The following LBH variants were observed in gnomAD, a reference collection of about 807,000 sequenced individuals.
LBH encodes the protein protein LBH.
LBH carries 7 observed loss-of-function variants against 12.5 expected under a neutral mutation model. The observed-to-expected ratio is 0.56, with a 90% CI of 0.32 to 1.05. The LOEUF is 1.05. LBH is among the 50% of genes least tolerant of loss of function. LBH has a pLI of 0.04. For missense variants in LBH, 119 were observed against 138.9 expected (o/e 0.86, Z 0.72); for synonymous variants, 51 against 50.1 (o/e 1.02, Z -0.08).
At chr2:30,242,181 A>G (rs955451790) in intron 2 of LBH, among the ~76,000 whole-genome samples, 1 of 152,142 alleles carries the variant, frequency 6.6e-6, no homozygotes, top group Non-Finnish European at 1.5e-5. Context: ...GGATTTCTTG[A>G]AAAAAGGTAA....
chr2:30,244,365 A>AT (rs1415206021), intron 2 of LBH, among the ~76,000 whole-genome samples: 1 of 152,150 alleles, frequency 6.6e-6, no homozygotes, highest in East Asian at 1.9e-4. Flanking sequence ...TTTTAACAAA[A>AT]TGTTAAAATG....
intron 2 of LBH, among the ~76,000 whole-genome samples, chr2:30,237,803 C>T (rs1677714530): frequency 6.6e-6 from 1 of 152,200 alleles, no homozygotes; most frequent in South Asian, 2.1e-4. Flanking sequence ...GGGAAATCCA[C>T]GTGTGCACAT....
intron 1 of LBH, chr2:30,232,320 C>CA: frequency 7.5e-7 from 1 of 1,334,600 alleles, no homozygotes; most frequent in South Asian, 1.5e-5. Flanking sequence ...GCCTCTCAAC[C>CA]CCTGCCCTCT....
chr2:30,232,117 G>A (rs1260931753), intron 1 of LBH: 4 of 1,544,246 alleles, frequency 2.6e-6, no homozygotes, highest in Non-Finnish European at 3.5e-6. Context: ...TGGCGCAGGG[G>A]GGCTCCTGCT....
At chr2:30,238,843 A>C (rs1677734353) in intron 2 of LBH, among the ~76,000 whole-genome samples, 1 of 149,290 alleles carries the variant, frequency 6.7e-6, no homozygotes. Flanking sequence ...TTTGTCTCTC[A>C]GGTCCCAAAT....
At chr2:30,256,683 A>AT (rs909702745) in intron 2 of LBH, 2 of 151,766 alleles carry the variant, frequency 1.3e-5, no homozygotes, top group Non-Finnish European at 2.9e-5. Flanking sequence ...TGCCCGCCTA[A>AT]TTTTTTTTGT....
At chr2:30,232,724 G>A (rs1490510070) in intron 1 of LBH, 1 of 152,514 alleles carries the variant, frequency 6.6e-6, no homozygotes, top group Non-Finnish European at 1.5e-5. Flanking sequence ...TCAACTTTTC[G>A]GGCCGGCGCC....
intron 1 of LBH, 161 bp from the exon 2 acceptor site, chr2:30,234,244 C>A (rs952795456): frequency 8.2e-6 from 5 of 607,362 alleles, no homozygotes; most frequent in African/African-American, 7.4e-5. Context: ...GCTTGCAAGG[C>A]GCTTCCTCAG....
At chr2:30,239,029 A>G (rs745929990) in intron 2 of LBH, among the ~76,000 whole-genome samples, 2 of 151,874 alleles carry the variant, frequency 1.3e-5, no homozygotes, top group Non-Finnish European at 2.9e-5. Flanking sequence ...AGCTGGGACT[A>G]CAGGAGTGTG....
chr2:30,232,236 G>T, intron 1 of LBH: 1 of 907,108 alleles, frequency 1.1e-6, no homozygotes, highest in Non-Finnish European at 1.7e-6. Context: ...AGAGCTCCGG[G>T]GGGGTGGGGG....
chr2:30,250,997 T>G (rs1420652142), intron 2 of LBH, among the ~76,000 whole-genome samples: 1 of 151,390 alleles, frequency 6.6e-6, no homozygotes, highest in African/African-American at 2.4e-5. Flanking sequence ...TTAATAAAAA[T>G]TAAATAAAAA....
chr2:30,241,753 C>T (rs1006598925), intron 2 of LBH, among the ~76,000 whole-genome samples: 7 of 152,230 alleles, frequency 4.6e-5, no homozygotes, highest in East Asian at 1.9e-4. Flanking sequence ...CAGGAGCCAC[C>T]GCGCCCAGCC....
At chr2:30,245,999 C>T (rs139825744) in intron 2 of LBH, among the ~76,000 whole-genome samples, 3,775 of 150,594 alleles carry the variant, frequency 0.025, 56 homozygotes, top group Middle Eastern at 0.075. Flanking sequence ...AATCTCACTC[C>T]GTCACCCAGG....
chr2:30,252,168 G>A (rs1367643013), intron 2 of LBH, among the ~76,000 whole-genome samples: 2 of 152,196 alleles, frequency 1.3e-5, no homozygotes, highest in East Asian at 1.9e-4. Flanking sequence ...TCATGGGGGC[G>A]GTTACTCTCA....
chr2:30,251,048 GA>G (rs1189879674), intron 2 of LBH, among the ~76,000 whole-genome samples: 3 of 138,556 alleles, frequency 2.2e-5, no homozygotes, highest in African/African-American at 8.0e-5. Context: ...ATTGTCAGTA[GA>G]ATTTTTTTTT....
At chr2:30,243,525 CTTTTTTTTTTTTT>C (rs886828942) in intron 2 of LBH, among the ~76,000 whole-genome samples, 11 of 110,180 alleles carry the variant, frequency 1.0e-4, no homozygotes, top group African/African-American at 3.8e-4. Context: ...GGGCTGGACT[CTTTTTTTTTTTTT>C]TTTTTTTTTT....
chr2:30,234,303 T>G, intron 1 of LBH, 102 bp from the exon 2 acceptor site: 1 of 907,992 alleles, frequency 1.1e-6, no homozygotes, highest in South Asian at 1.4e-5. Flanking sequence ...CCTCTCTTCC[T>G]GTCTCCAGAC....
At chr2:30,244,748 A>G (rs1197457412) in intron 2 of LBH, among the ~76,000 whole-genome samples, 4 of 151,342 alleles carry the variant, frequency 2.6e-5, no homozygotes, top group Admixed American at 2.0e-4. Context: ...CAACAAATAC[A>G]AAAAAAAATT....
intron 2 of LBH, 33 bp downstream of exon 2, chr2:30,234,540 A>G (rs755336251): frequency 1.3e-6 from 2 of 1,527,346 alleles, no homozygotes; most frequent in Non-Finnish European, 1.8e-6. Context: ...CTGACTCTCT[A>G]GAGCCTAGTG....
Sources: gnomAD v4.1 joint callset for allele counts (sites outside exome capture counted in the v4.1 genomes callset) on GRCh38, gnomAD v4.1.1 for gene constraint, MANE v1.5 for transcripts, NCBI Gene and HGNC (gene_info 2026-07-23, HGNC 2026-07-21) for gene names.